KCNG3: variants seen among roughly 807,000 people sequenced by gnomAD.
The protein encoded by KCNG3 is potassium voltage-gated channel modifier subfamily G member 3.
KCNG3 carries 15 observed loss-of-function variants against 29.0 expected under a neutral mutation model. That is an observed-to-expected ratio of 0.52 (90% confidence interval 0.35 to 0.80). KCNG3 has a LOEUF of 0.80. Among genes scored for constraint, KCNG3 ranks in the 30% least tolerant of loss-of-function variants. The pLI, the probability that KCNG3 is intolerant of heterozygous loss-of-function variation, is 0.01. For synonymous variants in KCNG3, 322 were observed against 248.9 expected, an observed-to-expected ratio of 1.29 and a Z score of -2.76; for missense variants, 512 against 605.7, an observed-to-expected ratio of 0.85 and a Z score of 1.62.
chr2:42,439,338 T>C (rs1464428277), downstream of KCNG3, among the ~76,000 whole-genome samples: 2 of 151,982 alleles, frequency 1.3e-5, no homozygotes, highest in East Asian at 1.9e-4. Context: ...CTCAGCTCAC[T>C]GGAACCTCCA....
At chr2:42,408,991 C>T in the KCNG3 span, among the ~76,000 whole-genome samples, 92 of 152,240 alleles carry the variant, frequency 6.0e-4, no homozygotes, top group African/African-American at 2.2e-3. Context: ...CTGGTCCGGC[C>T]GCAGCCTCAC....
At chr2:42,457,279 G>A (rs1672898996) in intron 1 of KCNG3, among the ~76,000 whole-genome samples, 1 of 150,762 alleles carries the variant, frequency 6.6e-6, no homozygotes, top group South Asian at 2.1e-4. Flanking sequence ...GAGCCCAGGA[G>A]TTCAAGACCA....
intron 1 of KCNG3, among the ~76,000 whole-genome samples, chr2:42,491,501 T>TA (rs948719755): frequency 2.2e-4 from 33 of 147,000 alleles, no homozygotes; most frequent in Middle Eastern, 3.5e-3. Context: ...AAGCCCTCCT[T>TA]AAAAAAAAAA....
At position 42,493,952 on chromosome 2, in the gene KCNG3, C is replaced by G. The variant is rs568304057; in HGVS notation, c.-451G>C. 6.1e-3 allele frequency: 939 copies of G among 154,774 alleles called. 8 individuals are homozygous for G. The highest frequency in any genetic ancestry group is 8.6e-3 in the Non-Finnish European group (600 of 69,934). The allele number at this position is 154,774 out of a possible 1,614,324, so 9.6% of individuals were successfully genotyped here. ...CTGCGGCCGCGAATCCGGCGGCCGC[C>G]CCGCCGCCGTCCAGAGGCGAGAGGC... On this transcript the variant is annotated 5_prime_UTR_variant, in exon 1 of 2. Transcript: ENST00000306078.
At chr2:42,401,473 G>T in the KCNG3 span, among the ~76,000 whole-genome samples, 8 of 151,812 alleles carry the variant, frequency 5.3e-5, no homozygotes, top group African/African-American at 1.9e-4. Flanking sequence ...ACAGGTTCTT[G>T]CTCTGTCTCC....
chr2:42,389,879 G>A, the KCNG3 span, among the ~76,000 whole-genome samples: 1 of 152,282 alleles, frequency 6.6e-6, no homozygotes, highest in East Asian at 1.9e-4. Flanking sequence ...GTGCTTTGGG[G>A]GCTTGCTGTC....
Position 42,443,212 on chromosome 2 carries a change from A to G in KCNG3, c.*722T>C, listed in dbSNP as rs1004872100. 3.9e-5 allele frequency: 6 copies of G among 152,238 alleles called. No individual in the cohort carries two copies. Among genetic ancestry groups the G allele is most frequent in the African/African-American group, 1.4e-4 (6 of 41,462 alleles). The allele number at this position is 152,238 out of a possible 1,614,324, so 9.4% of individuals were successfully genotyped here. On this transcript the variant is annotated 3_prime_UTR_variant, in exon 2 of 2. Coordinates refer to ENST00000306078, the MANE Select transcript of KCNG3 (RefSeq NM_133329.6). The stretch of plus-strand genomic sequence containing the variant: ...TTCAAATATTATCCAGTAAGATGCT[A>G]AACAACACAAGCTCTCGTCAATTCT...
intron 1 of KCNG3, among the ~76,000 whole-genome samples, chr2:42,485,315 A>G (rs747122442): frequency 2.6e-5 from 4 of 152,226 alleles, no homozygotes; most frequent in Non-Finnish European, 5.9e-5. Flanking sequence ...TAAAACTCAA[A>G]CAAGAACACT....
the KCNG3 span, among the ~76,000 whole-genome samples, chr2:42,407,086 T>G: frequency 6.6e-6 from 1 of 152,142 alleles, no homozygotes; most frequent in African/African-American, 2.4e-5. Context: ...ATTCTCTATT[T>G]GTTGGGTACA....
chr2:42,419,727 C>T, the KCNG3 span, among the ~76,000 whole-genome samples: 65 of 152,314 alleles, frequency 4.3e-4, no homozygotes, highest in African/African-American at 1.5e-3. Context: ...ATTTCATGTT[C>T]TGGCTCTGTA....
chr2:42,457,633 A>T (rs1466065250), intron 1 of KCNG3, among the ~76,000 whole-genome samples: 7 of 138,934 alleles, frequency 5.0e-5, no homozygotes, highest in African/African-American at 2.1e-4. Flanking sequence ...GATCTCACAC[A>T]CACACACACA....
chr2:42,408,440 G>T, the KCNG3 span, among the ~76,000 whole-genome samples: 2 of 152,190 alleles, frequency 1.3e-5, no homozygotes, highest in Non-Finnish European at 2.9e-5. Flanking sequence ...GAGCTGGGCA[G>T]ACCTCAGGAT....
intron 1 of KCNG3, among the ~76,000 whole-genome samples, chr2:42,477,404 C>CACACACAT (rs1673461756): frequency 4.0e-5 from 2 of 50,304 alleles, no homozygotes; most frequent in African/African-American, 5.2e-5. Flanking sequence ...CACACACACA[C>CACACACAT]ACACACACAC....
At chr2:42,461,748 A>ACTAC (rs991371659) in intron 1 of KCNG3, among the ~76,000 whole-genome samples, 7 of 152,216 alleles carry the variant, frequency 4.6e-5, no homozygotes, top group African/African-American at 1.7e-4. Flanking sequence ...TCCATACATG[A>ACTAC]CTACCACATG....
chr2:42,416,917 A>C, the KCNG3 span, among the ~76,000 whole-genome samples: 42 of 152,066 alleles, frequency 2.8e-4, 1 homozygote, highest in South Asian at 8.3e-4. Flanking sequence ...ATGAATCAAA[A>C]CATCATGTCA....
chr2:42,429,900 G>C, the KCNG3 span, among the ~76,000 whole-genome samples: 1 of 152,182 alleles, frequency 6.6e-6, no homozygotes, highest in Non-Finnish European at 1.5e-5. Flanking sequence ...AAAGAGAACA[G>C]AGCCACCAGA....
Position 42,483,861 on chromosome 2 carries a change from G to A in KCNG3, c.665+8976C>T, listed in dbSNP as rs140970330. 3.1e-3 allele frequency among the ~76,000 whole-genome samples: 472 copies of A among 152,142 alleles called. 2 individuals are homozygous for A. Among genetic ancestry groups the A allele is most frequent in the South Asian group, 9.8e-3 (47 of 4,816 alleles). On this transcript the variant is annotated intron_variant, in intron 1 of 1. Coordinates refer to ENST00000306078, the MANE Select transcript of KCNG3 (RefSeq NM_133329.6). ...AGCTGGAGTGCAGTGCCACAATCAC[G>A]GCTCATTGCAGCCTCTAACTTCTAG...
At chr2:42,489,704 CATT>C (rs1262784425) in intron 1 of KCNG3, among the ~76,000 whole-genome samples, 22 of 93,566 alleles carry the variant, frequency 2.4e-4, no homozygotes, top group Middle Eastern at 6.2e-3. Flanking sequence ...CAGTAAGGGA[CATT>C]TGAGTGGCTC....
chr2:42,423,264 G>C, the KCNG3 span, among the ~76,000 whole-genome samples: 1 of 152,210 alleles, frequency 6.6e-6, no homozygotes, highest in Non-Finnish European at 1.5e-5. Context: ...GATGACCACA[G>C]TAATTCCCTA....
Sources: allele counts gnomAD v4.1 joint callset (sites outside exome capture counted in the v4.1 genomes callset), GRCh38; gene constraint gnomAD v4.1.1; transcripts MANE v1.5; gene names NCBI Gene and HGNC (gene_info 2026-07-23, HGNC 2026-07-21).